The following PTPRT variants were observed in gnomAD, a reference collection of about 807,000 sequenced individuals.
The protein encoded by PTPRT is receptor-type tyrosine-protein phosphatase T.
PTPRT carries 56 observed loss-of-function variants against 176.8 expected under a neutral mutation model. That is an observed-to-expected ratio of 0.32 (90% CI 0.26 to 0.40). The LOEUF is 0.40. Among genes scored for constraint, PTPRT ranks in the 10% least tolerant of loss-of-function variants. PTPRT has a pLI of 1.00. For missense variants in PTPRT, 1,540 were observed against 1,908.2 expected (o/e 0.81, Z 3.60); for synonymous variants, 783 against 739.0 (o/e 1.06, Z -0.96).
intron 12 of PTPRT, among the ~76,000 whole-genome samples, chr20:42,311,320 T>C (rs2057624729): frequency 6.6e-6 from 1 of 152,202 alleles, no homozygotes; most frequent in African/African-American, 2.4e-5. Flanking sequence ...ACACAGCTAC[T>C]AGGGTTTTGT....
intron 2 of PTPRT, among the ~76,000 whole-genome samples, chr20:42,817,442 T>C (rs2077808272): frequency 6.7e-6 from 1 of 149,466 alleles, no homozygotes; most frequent in South Asian, 2.1e-4. Flanking sequence ...CACCTATCAA[T>C]GTGTACACAA....
At chr20:42,336,841 C>T (rs923009340) in intron 11 of PTPRT, among the ~76,000 whole-genome samples, 6 of 152,160 alleles carry the variant, frequency 3.9e-5, no homozygotes, top group African/African-American at 1.4e-4. Flanking sequence ...CTAAAACTGA[C>T]TGCACACACA....
chr20:42,324,433 A>C (rs993745445), intron 11 of PTPRT, among the ~76,000 whole-genome samples: 1 of 152,190 alleles, frequency 6.6e-6, no homozygotes, highest in African/African-American at 2.4e-5. Flanking sequence ...ATATTCTAAA[A>C]TGGGACTGTG....
intron 18 of PTPRT, among the ~76,000 whole-genome samples, chr20:42,139,131 C>CT (rs1988510208): frequency 1.3e-5 from 2 of 152,076 alleles, no homozygotes; most frequent in African/African-American, 4.8e-5. Context: ...TTCCATTTCC[C>CT]TTTTTTTCTT....
intron 1 of PTPRT, among the ~76,000 whole-genome samples, chr20:42,940,904 A>AC (rs1414462447): frequency 6.6e-6 from 1 of 151,790 alleles, no homozygotes; most frequent in Non-Finnish European, 1.5e-5. Context: ...ATAAGGTGAA[A>AC]CCCCACCTCT....
At chr20:42,337,452 G>A (rs560191555) in intron 11 of PTPRT, among the ~76,000 whole-genome samples, 1 of 152,162 alleles carries the variant, frequency 6.6e-6, no homozygotes, top group East Asian at 1.9e-4. Flanking sequence ...TCTACTTCAG[G>A]GCTGTATTGT....
chr20:42,277,259 G>C (rs1211066990), intron 13 of PTPRT, among the ~76,000 whole-genome samples: 1 of 152,154 alleles, frequency 6.6e-6, no homozygotes, highest in Non-Finnish European at 1.5e-5. Flanking sequence ...CTTCTGCAAA[G>C]CAACTCTGCA....
At chr20:42,274,536 A>AGTGTGTGTGTGTGTGTGTGTGTGTGTGT (rs529883269) in intron 13 of PTPRT, among the ~76,000 whole-genome samples, 1 of 113,296 alleles carries the variant, frequency 8.8e-6, no homozygotes, top group African/African-American at 4.1e-5. Context: ...GGCCCTGTAC[A>AGTGTGTGTGTGTGTGTGTGTGTGTGTGT]GTGTGTGTGT....
intron 24 of PTPRT, among the ~76,000 whole-genome samples, chr20:42,105,294 C>T (rs762470879): frequency 6.6e-6 from 1 of 152,188 alleles, no homozygotes; most frequent in Non-Finnish European, 1.5e-5. Context: ...GCCTCACTTT[C>T]CCATTCACCA....
At chr20:42,515,794 C>T (rs552598230) in intron 7 of PTPRT, among the ~76,000 whole-genome samples, 3 of 151,798 alleles carry the variant, frequency 2.0e-5, no homozygotes, top group African/African-American at 7.2e-5. Context: ...GCTATAAAGA[C>T]ACATGCACAC....
intron 1 of PTPRT, among the ~76,000 whole-genome samples, chr20:42,898,861 G>A (rs1478860085): frequency 6.6e-6 from 1 of 152,170 alleles, no homozygotes; most frequent in Non-Finnish European, 1.5e-5. Flanking sequence ...GCCGAGGAGA[G>A]GCTGAGAGAA....
At chr20:42,134,040 G>T (rs1988259299) in intron 18 of PTPRT, among the ~76,000 whole-genome samples, 1 of 152,154 alleles carries the variant, frequency 6.6e-6, no homozygotes. Context: ...TTCACTAAAG[G>T]GTGGAATTCA....
chr20:42,565,234 G>C (rs1381596903), intron 7 of PTPRT, among the ~76,000 whole-genome samples: 1 of 152,152 alleles, frequency 6.6e-6, no homozygotes, highest in Non-Finnish European at 1.5e-5. Context: ...ATGCCTGGGA[G>C]GCCTCAAACT....
intron 7 of PTPRT, among the ~76,000 whole-genome samples, chr20:42,661,824 G>A (rs1410225710): frequency 6.6e-6 from 1 of 152,206 alleles, no homozygotes; most frequent in Non-Finnish European, 1.5e-5. Flanking sequence ...TTTTCTGTCA[G>A]GCAGAGTCTT....
intron 16 of PTPRT, among the ~76,000 whole-genome samples, chr20:42,169,781 CACACACACACAA>C (rs1183161822): frequency 0.011 from 1,558 of 146,672 alleles, 27 homozygotes; most frequent in African/African-American, 0.037. Flanking sequence ...CACACACACA[CACACACACACAA>C]CAGTCAGTAT....
intron 5 of PTPRT, 114 bp downstream of exon 5, chr20:42,771,321 C>G: frequency 1.1e-6 from 1 of 910,200 alleles, no homozygotes; most frequent in Non-Finnish European, 1.7e-6. Flanking sequence ...CTGTTGTCCC[C>G]CTCTGCATGT....
At chr20:42,352,862 C>CA (rs2058306107) in intron 9 of PTPRT, among the ~76,000 whole-genome samples, 1 of 151,602 alleles carries the variant, frequency 6.6e-6, no homozygotes, top group Admixed American at 6.6e-5. Context: ...TATGTACCCA[C>CA]AAAAAATTTT....
chr20:42,294,224 A>G (rs1011663980), intron 12 of PTPRT, among the ~76,000 whole-genome samples: 4 of 152,186 alleles, frequency 2.6e-5, no homozygotes, highest in African/African-American at 4.8e-5. Flanking sequence ...GACAAAGACC[A>G]CACTACACAT....
In PTPRT at chr20:42,813,084, T is replaced by G. The variant is rs146221782; in HGVS notation, c.215-21618A>C. ...CTACACTGTTTTTTCCAGCAATGTA[T>G]ATTCTATTTTGTTTTTGTATTGTTT... On this transcript the variant is annotated intron_variant, in intron 2 of 30. Coordinates refer to ENST00000373187, the MANE Select transcript of PTPRT (RefSeq NM_007050.6). Among the ~76,000 whole-genome samples the G allele has an allele frequency of 1.4e-4, 22 of 152,272 alleles. No homozygotes were observed. In the East Asian group the frequency reaches 2.7e-3, roughly 19 times the overall value.
Sources: gnomAD v4.1 joint callset for allele counts (sites outside exome capture counted in the v4.1 genomes callset) on GRCh38, gnomAD v4.1.1 for gene constraint, MANE v1.5 for transcripts, NCBI Gene and HGNC (gene_info 2026-07-23, HGNC 2026-07-21) for gene names.